Variants in DMBT1 observed in about 807,000 individuals in gnomAD.
The protein encoded by DMBT1 is scavenger receptor cysteine-rich domain-containing protein DMBT1.
A neutral mutation model predicts 252.9 loss-of-function variants in DMBT1; 198 were observed. That is an observed-to-expected ratio of 0.78 (90% confidence interval 0.70 to 0.88). The LOEUF is 0.88. Among genes scored for constraint, DMBT1 ranks in the 40% least tolerant of loss-of-function variants. The pLI is 0.00. For synonymous variants in DMBT1, 990 were observed against 942.7 expected (o/e 1.05, Z -0.92); for missense variants, 2,432 against 2,404.7 (o/e 1.01, Z -0.24).
Position 122,593,485 on chromosome 10 carries a change from C to T in DMBT1, c.2501-84C>T, listed in dbSNP as rs567925365. 70 of 1,400,588 alleles carry T rather than the reference C, an allele frequency of 5.0e-5. 9 individuals carry two copies. The East Asian group carries it at 1.5e-3, about 29-fold the overall frequency. The allele number at this position is 1,400,588 out of a possible 1,614,324, so 86.8% of individuals were successfully genotyped here. On this transcript the variant is annotated intron_variant, in intron 20 of 55. Transcript: ENST00000338354. ...ACTAGGATGGACTGAGTGTCAGACTCGCTCATTTCTTTCCCTCCTCGTTCC... is the reference window on the plus strand; with the variant it reads ...ACTAGGATGGACTGAGTGTCAGACTTGCTCATTTCTTTCCCTCCTCGTTCC...
chr10:122,637,961 AC>A (rs1843776379), intron 54 of DMBT1, among the ~76,000 whole-genome samples: 1 of 152,214 alleles, frequency 6.6e-6, no homozygotes, highest in Admixed American at 6.5e-5. Context: ...GGTGGCTGCA[AC>A]TATGATTATA....
chr10:122,642,835 T>C (rs1482740487), intron 55 of DMBT1, among the ~76,000 whole-genome samples: 3 of 152,170 alleles, frequency 2.0e-5, no homozygotes, highest in African/African-American at 4.8e-5. Flanking sequence ...GTGGTCATTG[T>C]GGGATTAGGC....
intron 55 of DMBT1, among the ~76,000 whole-genome samples, chr10:122,641,812 A>T (rs1167553525): frequency 6.6e-6 from 1 of 152,148 alleles, no homozygotes; most frequent in Admixed American, 6.5e-5. Context: ...CTATACCTGG[A>T]GCACAGGGAC....
intron 17 of DMBT1, 75 bp from the exon 18 acceptor site, chr10:122,590,590 T>C: frequency 6.6e-7 from 1 of 1,522,764 alleles, no homozygotes; most frequent in Admixed American, 1.7e-5. Context: ...GCTACCAGTT[T>C]AGTTCCTTGT....
chr10:122,628,288 C>A (rs767599655), intron 46 of DMBT1, among the ~76,000 whole-genome samples: 1 of 152,076 alleles, frequency 6.6e-6, no homozygotes, highest in Non-Finnish European at 1.5e-5. Context: ...CATGGTGAAT[C>A]GAGAAACAAA....
intron 2 of DMBT1, among the ~76,000 whole-genome samples, chr10:122,569,780 A>T (rs2133519370): frequency 6.6e-6 from 1 of 152,228 alleles, no homozygotes; most frequent in East Asian, 1.9e-4. Context: ...TAGTTGAACC[A>T]TCTTATCAGG....
intron 48 of DMBT1, 138 bp downstream of exon 48, chr10:122,630,628 T>C (rs1475908522): frequency 2.0e-6 from 2 of 992,486 alleles, no homozygotes; most frequent in Non-Finnish European, 3.0e-6. Flanking sequence ...TGGCACTGAC[T>C]GTGTGGGCAG....
intron 46 of DMBT1, among the ~76,000 whole-genome samples, chr10:122,626,727 T>C (rs1306015262): frequency 3.9e-5 from 6 of 152,224 alleles, no homozygotes; most frequent in African/African-American, 1.4e-4. Context: ...ACAATATTAT[T>C]TTGTACACAA....
chr10:122,630,177 C>T, intron 47 of DMBT1, 111 bp from the exon 48 acceptor site: 1 of 1,357,968 alleles, frequency 7.4e-7, no homozygotes, highest in Non-Finnish European at 1.0e-6. Flanking sequence ...TGAGGAAGAG[C>T]TAGAAGAAAA....
intron 46 of DMBT1, 90 bp from the exon 47 acceptor site, chr10:122,629,750 T>C (rs1395820914): frequency 3.6e-5 from 52 of 1,461,154 alleles, no homozygotes; most frequent in Middle Eastern, 1.9e-4. Flanking sequence ...GTGCAGAAGA[T>C]GAAACTGGAT....
intron 7 of DMBT1, among the ~76,000 whole-genome samples, chr10:122,577,382 A>C (rs1281325554): frequency 6.6e-6 from 1 of 152,202 alleles, no homozygotes; most frequent in Non-Finnish European, 1.5e-5. Flanking sequence ...TGAGTCGCAA[A>C]TGGTGGGCTC....
intron 25 of DMBT1, among the ~76,000 whole-genome samples, chr10:122,598,502 A>G (rs75754435): frequency 0.097 from 14,685 of 152,108 alleles, 1,203 homozygotes; most frequent in South Asian, 0.25. Context: ...TCCTGTGTGT[A>G]CCCAGGTTAG....
intron 17 of DMBT1, among the ~76,000 whole-genome samples, chr10:122,590,193 G>A (rs937657711): frequency 6.7e-6 from 1 of 148,826 alleles, no homozygotes; most frequent in Non-Finnish European, 1.5e-5. Context: ...CCTGGGTTTT[G>A]GGGGTGTGAG....
At chr10:122,623,641 C>T (rs1201566969) in intron 44 of DMBT1, among the ~76,000 whole-genome samples, 2 of 152,118 alleles carry the variant, frequency 1.3e-5, no homozygotes, top group Non-Finnish European at 2.9e-5. Context: ...TTTGCATTTC[C>T]TTGATGACTA....
chr10:122,635,974 G>A lies in DMBT1; in HGVS notation c.6549-17G>A. The A allele has an allele frequency of 6.2e-7, 1 of 1,613,524 alleles. No homozygotes were observed. Among genetic ancestry groups the A allele is most frequent in the Non-Finnish European group, 8.5e-7 (1 of 1,179,824 alleles). Reference sequence around the variant, plus strand: ...CTGGGAGGAAATGAAGCCAAATGGTGTGTCCTCTCTCTGCAGGCTTGAAGG... The same window carrying A: ...CTGGGAGGAAATGAAGCCAAATGGTATGTCCTCTCTCTGCAGGCTTGAAGG... On this transcript the variant is annotated splice_polypyrimidine_tract_variant and intron_variant, in intron 52 of 55. Coordinates refer to ENST00000338354, the MANE Select transcript of DMBT1 (RefSeq NM_001377530.1).
chr10:122,626,993 C>T (rs1591525143), intron 46 of DMBT1, among the ~76,000 whole-genome samples: 1 of 152,248 alleles, frequency 6.6e-6, no homozygotes, highest in Admixed American at 6.5e-5. Flanking sequence ...CAAGGAGGGA[C>T]TGCAGGAAAT....
At chr10:122,627,279 G>A (rs1299213864) in intron 46 of DMBT1, among the ~76,000 whole-genome samples, 1 of 151,996 alleles carries the variant, frequency 6.6e-6, no homozygotes, top group Non-Finnish European at 1.5e-5. Flanking sequence ...ATGAATGAAT[G>A]GATAAATTAA....
chr10:122,585,949 C>T, intron 15 of DMBT1, 111 bp from the exon 16 acceptor site: 1 of 1,538,976 alleles, frequency 6.5e-7, no homozygotes, highest in Non-Finnish European at 8.8e-7. Flanking sequence ...TCAAAGGTGA[C>T]TGCCTGCCCA....
intron 20 of DMBT1, among the ~76,000 whole-genome samples, chr10:122,593,315 G>C (rs1252841097): frequency 6.7e-6 from 1 of 148,408 alleles, no homozygotes; most frequent in Non-Finnish European, 1.5e-5. Flanking sequence ...AAGGGAGTGG[G>C]TTGGTTTAGG....
Sources: gnomAD v4.1 joint callset for allele counts (sites outside exome capture counted in the v4.1 genomes callset) on GRCh38, gnomAD v4.1.1 for gene constraint, MANE v1.5 for transcripts, NCBI Gene and HGNC (gene_info 2026-07-23, HGNC 2026-07-21) for gene names.